LRRC8D: variants seen among roughly 807,000 people sequenced by gnomAD.
LRRC8D encodes volume-regulated anion channel subunit LRRC8D.
In LRRC8D, 20 loss-of-function variants were observed where a neutral mutation model predicts 55.8. That is an observed-to-expected ratio of 0.36 (90% CI 0.25 to 0.52). The LOEUF (loss-of-function observed/expected upper bound fraction) is 0.52, where lower values mean the gene tolerates loss of function less well. Among genes scored for constraint, LRRC8D ranks in the 20% least tolerant of loss-of-function variants. The pLI is 0.93. For missense variants in LRRC8D, 651 were observed against 1,030.8 expected, an observed-to-expected ratio of 0.63 and a Z score of 5.05; for synonymous variants, 352 against 377.0, an observed-to-expected ratio of 0.93 and a Z score of 0.77.
At chr1:89,858,104 C>T (rs911342809) in intron 2 of LRRC8D, among the ~76,000 whole-genome samples, 1 of 152,158 alleles carries the variant, frequency 6.6e-6, no homozygotes, top group Non-Finnish European at 1.5e-5. Flanking sequence ...TGGCAAGCAC[C>T]TGTAGTCCCA....
chr1:89,918,209 A>G (rs1342690489), intron 2 of LRRC8D, among the ~76,000 whole-genome samples: 1 of 152,228 alleles, frequency 6.6e-6, no homozygotes, highest in Admixed American at 6.5e-5. Flanking sequence ...ATGAAAGACA[A>G]ACTTCTCAGT....
chr1:89,935,028 A>C lies in LRRC8D; in HGVS notation c.1960A>C (p.Ile654Leu), dbSNP rs1188525256. 6.2e-7 allele frequency: 1 copy of C among 1,614,196 alleles called. No homozygotes were observed. Among genetic ancestry groups the C allele is most frequent in the Non-Finnish European group, 8.5e-7 (1 of 1,180,032 alleles). ...NCELERIPHA[I>L]FSLSNLQELD... ...TGAGCTAGAGAGAATCCCACATGCT[A>C]TTTTCAGCCTCTCTAATTTACAGGA... The change falls in exon 3 of 3, where the codon ATT becomes CTT. Residue 654 changes from isoleucine (I) to leucine (L), a missense_variant. By Grantham distance (5) the Ile-to-Leu change is conservative. This residue lies in a region of LRRC8D where 338 missense variants were observed against 479.4 expected (regional missense o/e 0.71). Transcript: ENST00000337338.
rs553981913 is a variant in LRRC8D at position 89,911,177 on chromosome 1, GT to G, written c.-2-21877del. On this transcript the variant is annotated intron_variant, in intron 2 of 2. Coordinates refer to ENST00000337338, the MANE Select transcript of LRRC8D (RefSeq NM_001134479.2). The surrounding 1 kb of genome is among the most constrained non-coding windows in gnomAD (Gnocchi z 4.0). ...ACTCATATGTCCATGCATTTTTGGGGTTTTTTTTTTTTTAGTTATATAGTTT... is the reference window on the plus strand; with the variant it reads ...ACTCATATGTCCATGCATTTTTGGGGTTTTTTTTTTTTAGTTATATAGTTT... 0.16 allele frequency among the ~76,000 whole-genome samples: 22,242 copies of G among 142,802 alleles called. 1,707 individuals carry two copies. The highest frequency in any genetic ancestry group is 0.25 in the Middle Eastern group (68 of 274). 93.7% of individuals were successfully genotyped at this position (142,802 alleles called of 152,430 possible).
chr1:89,851,495 C>A (rs777313688), intron 2 of LRRC8D, among the ~76,000 whole-genome samples: 1 of 151,866 alleles, frequency 6.6e-6, no homozygotes, highest in African/African-American at 2.4e-5. Context: ...AATGTATTTT[C>A]CCCTTGTCTT....
At chr1:89,872,423 A>G (rs150444995) in intron 2 of LRRC8D, among the ~76,000 whole-genome samples, 40 of 152,308 alleles carry the variant, frequency 2.6e-4, no homozygotes, top group African/African-American at 9.6e-4. Context: ...TTTACTCTCT[A>G]CGAGGATCTT....
intron 2 of LRRC8D, among the ~76,000 whole-genome samples, chr1:89,870,107 C>CA (rs1008906142): frequency 7.3e-5 from 11 of 150,750 alleles, no homozygotes; most frequent in Non-Finnish European, 8.9e-5. Flanking sequence ...GACTCCGTCT[C>CA]AAAAAAAAGA....
chr1:89,867,276 TGTA>T (rs1222401057), intron 2 of LRRC8D, among the ~76,000 whole-genome samples: 2 of 152,244 alleles, frequency 1.3e-5, no homozygotes, highest in Non-Finnish European at 2.9e-5. Flanking sequence ...TCATAAATTA[TGTA>T]GTCACTTTTT....
chr1:89,923,877 T>A (rs1183920729), intron 2 of LRRC8D, among the ~76,000 whole-genome samples: 1 of 152,228 alleles, frequency 6.6e-6, no homozygotes, highest in Non-Finnish European at 1.5e-5. Context: ...GCTAGCCTTA[T>A]GCAGAAGATT....
At chr1:89,871,497 A>G (rs1198903494) in intron 2 of LRRC8D, among the ~76,000 whole-genome samples, 2 of 152,228 alleles carry the variant, frequency 1.3e-5, no homozygotes, top group East Asian at 3.8e-4. Flanking sequence ...TGTTAGACTT[A>G]AAGTATATTT....
At chr1:89,851,457 T>G (rs1661415735) in intron 2 of LRRC8D, among the ~76,000 whole-genome samples, 1 of 152,176 alleles carries the variant, frequency 6.6e-6, no homozygotes, top group Non-Finnish European at 1.5e-5. Flanking sequence ...ATTTGGTAAG[T>G]GGGTGTTTGT....
chr1:89,821,744 C>G (rs555961033), intron 1 of LRRC8D, among the ~76,000 whole-genome samples: 14 of 152,034 alleles, frequency 9.2e-5, no homozygotes, highest in Non-Finnish European at 1.9e-4. Flanking sequence ...CCTTTAACTT[C>G]TCCAGAATCG....
intron 2 of LRRC8D, among the ~76,000 whole-genome samples, chr1:89,860,677 G>A (rs1309537854): frequency 7.3e-6 from 1 of 137,770 alleles, no homozygotes; most frequent in African/African-American, 2.8e-5. Context: ...AGAATCACTT[G>A]AACCTGGGAG....
chr1:89,853,613 A>T (rs1661478212), intron 2 of LRRC8D, among the ~76,000 whole-genome samples: 1 of 152,220 alleles, frequency 6.6e-6, no homozygotes, highest in Non-Finnish European at 1.5e-5. Context: ...TCTTTTACAG[A>T]CAGGGTGTCT....
chr1:89,830,578 T>C (rs1660862894), intron 1 of LRRC8D, among the ~76,000 whole-genome samples: 1 of 152,078 alleles, frequency 6.6e-6, no homozygotes, highest in South Asian at 2.1e-4. Context: ...TCAGAGATGA[T>C]TTGTGGCAGC....
intron 2 of LRRC8D, among the ~76,000 whole-genome samples, chr1:89,931,003 ATTTTTTTTT>A (rs56714673): frequency 8.3e-6 from 1 of 120,930 alleles, no homozygotes; most frequent in African/African-American, 3.2e-5. Flanking sequence ...TTCCTTGGTA[ATTTTTTTTT>A]TTTTTTTTTT....
intron 2 of LRRC8D, among the ~76,000 whole-genome samples, chr1:89,867,213 A>G (rs1472846352): frequency 1.3e-5 from 2 of 152,154 alleles, no homozygotes; most frequent in Non-Finnish European, 2.9e-5. Context: ...TAATCTGTAG[A>G]TTTGCCTATT....
chr1:89,906,269 C>T (rs1662989202), intron 2 of LRRC8D, among the ~76,000 whole-genome samples: 1 of 152,180 alleles, frequency 6.6e-6, no homozygotes, highest in Non-Finnish European at 1.5e-5. Flanking sequence ...ACTGTACACA[C>T]TGTAGCCCAA....
intron 2 of LRRC8D, among the ~76,000 whole-genome samples, chr1:89,865,064 C>T (rs75333475): frequency 0.011 from 1,617 of 152,212 alleles, 31 homozygotes; most frequent in African/African-American, 0.037. Context: ...TCACTTATTA[C>T]ATTGATTTGC....
chr1:89,877,136 G>T (rs1662167611), intron 2 of LRRC8D, among the ~76,000 whole-genome samples: 1 of 152,180 alleles, frequency 6.6e-6, no homozygotes, highest in Non-Finnish European at 1.5e-5. Context: ...ACAAGGGTCT[G>T]CTTTAGGCCT....
Sources: gnomAD v4.1 joint callset for allele counts (sites outside exome capture counted in the v4.1 genomes callset) on GRCh38, gnomAD v4.1.1 for gene constraint, gnomAD v4.1.1 regional missense constraint, Gnocchi (gnomAD v3.1) non-coding constraint, MANE v1.5 for transcripts, NCBI Gene and HGNC (gene_info 2026-07-23, HGNC 2026-07-21) for gene names.